PSMD12: variants seen among roughly 807,000 people sequenced by gnomAD.
PSMD12 encodes 26S proteasome non-ATPase regulatory subunit 12.
PSMD12 carries 8 observed loss-of-function variants against 62.9 expected under a neutral mutation model. The ratio of observed to expected loss-of-function variants is 0.13; its 90% confidence interval spans 0.07 to 0.23. The LOEUF is 0.23. Among genes scored for constraint, PSMD12 ranks in the 10% least tolerant of loss-of-function variants. The pLI, the probability that PSMD12 is intolerant of heterozygous loss-of-function variation, is 1.00. For missense variants in PSMD12, 424 were observed against 550.2 expected, an observed-to-expected ratio of 0.77 and a Z score of 2.29; for synonymous variants, 173 against 187.4, an observed-to-expected ratio of 0.92 and a Z score of 0.63.
In PSMD12 at chr17:67,340,974, T is replaced by C; in HGVS notation, c.1240A>G (p.Asn414Asp). The change falls in exon 11 of 11, where the codon AAC becomes GAC. Residue 414 changes from asparagine (N) to aspartate (D), a missense_variant. By Grantham distance (23) the Asn-to-Asp change is conservative. Coordinates refer to ENST00000356126, the MANE Select transcript of PSMD12 (RefSeq NM_002816.5). ...TTTGGATCCTTGGGTCTCTGGAAGT[T>C]GATAATTCCTGCTAATCTGTCTACT... Reference protein sequence around the residue: ...AKVDRLAGIINFQRPKDPNNL... With the variant: ...AKVDRLAGIIDFQRPKDPNNL... The C allele has an allele frequency of 6.3e-7, 1 of 1,577,482 alleles. No homozygotes were observed. Among genetic ancestry groups the C allele is most frequent in the Non-Finnish European group, 8.6e-7 (1 of 1,168,550 alleles).
At chr17:67,347,044 G>C in intron 7 of PSMD12, 72 bp downstream of exon 7, 1 of 1,452,332 alleles carries the variant, frequency 6.9e-7, no homozygotes, top group East Asian at 2.3e-5. Context: ...CAGTTAAAAA[G>C]ATTTGAAAAT....
Position 67,348,868 on chromosome 17 carries a change from C to T in PSMD12, c.406-214G>A, listed in dbSNP as rs540685098. On this transcript the variant is annotated intron_variant, in intron 4 of 10. Transcript: ENST00000356126. ...AACATTAGCTGAGTGTGGTGGCATG[C>T]ACCTTTAGTCCCAGCTACTTGGGAG... Among the ~76,000 whole-genome samples the T allele has an allele frequency of 3.3e-5, 5 of 152,200 alleles. No individual in the cohort carries two copies. The South Asian group carries it at 6.2e-4, about 19-fold the overall frequency.
At chr17:67,344,460 T>TA in intron 9 of PSMD12, 146 bp downstream of exon 9, 1 of 770,704 alleles carries the variant, frequency 1.3e-6, no homozygotes, top group South Asian at 2.3e-5. Flanking sequence ...AGTGAAGAAT[T>TA]AAACACATAA....
chr17:67,352,687 A>T (rs2042029343), intron 3 of PSMD12, among the ~76,000 whole-genome samples: 1 of 152,208 alleles, frequency 6.6e-6, no homozygotes, highest in Non-Finnish European at 1.5e-5. Context: ...TATTAAATGG[A>T]AAACTCCATG....
intron 9 of PSMD12, among the ~76,000 whole-genome samples, chr17:67,344,075 C>T (rs2041940865): frequency 6.6e-6 from 1 of 152,088 alleles, no homozygotes; most frequent in Admixed American, 6.6e-5. Flanking sequence ...AGAAGGCTCA[C>T]AATAAAGTTT....
intron 4 of PSMD12, among the ~76,000 whole-genome samples, chr17:67,349,536 A>C (rs1179364736): frequency 6.6e-6 from 1 of 152,254 alleles, no homozygotes; most frequent in Admixed American, 6.5e-5. Context: ...TAGGACCACA[A>C]GCTACATAAA....
intron 3 of PSMD12, among the ~76,000 whole-genome samples, chr17:67,353,817 G>C (rs1266412356): frequency 2.6e-5 from 4 of 152,158 alleles, no homozygotes; most frequent in African/African-American, 9.7e-5. Flanking sequence ...CCAGCGGTGA[G>C]AGAGACTCAA....
At chr17:67,363,078 C>G (rs1047298360) in intron 1 of PSMD12, among the ~76,000 whole-genome samples, 1 of 152,184 alleles carries the variant, frequency 6.6e-6, no homozygotes, top group Admixed American at 6.5e-5. Context: ...CAAACCAACT[C>G]TAGGATTTGT....
Position 67,357,504 on chromosome 17 carries a change from C to G in PSMD12, c.168+15G>C. ...AAATTAATGGTAACTGAGCTTTCCC[C>G]TGTAAACTACTCACAGTACGAGTCT... On this transcript the variant is annotated intron_variant, in intron 2 of 10. Coordinates refer to ENST00000356126, the MANE Select transcript of PSMD12 (RefSeq NM_002816.5). 6.2e-7 allele frequency: 1 copy of G among 1,613,338 alleles called. No homozygotes were observed. The highest frequency in any genetic ancestry group is 1.1e-5 in the South Asian group (1 of 91,052).
At chr17:67,357,928 CT>C (rs34021817) in intron 1 of PSMD12, among the ~76,000 whole-genome samples, 20 of 148,894 alleles carry the variant, frequency 1.3e-4, no homozygotes, top group Admixed American at 2.7e-4. Context: ...TTATCTTGTT[CT>C]TTTTTTTTTT....
Position 67,343,005 on chromosome 17 carries a change from C to A in PSMD12, c.1084-742G>T, listed in dbSNP as rs566825904. ...CATCACTTTACCATTATTCCAATGA[C>A]TTAAAGATAGCTTCAAATTAAATTT... On this transcript the variant is annotated intron_variant, in intron 9 of 10. Transcript: ENST00000356126. Among the ~76,000 whole-genome samples, 162 of 151,382 alleles carry A rather than the reference C, an allele frequency of 1.1e-3. 4 individuals are homozygous for A. In the South Asian group the frequency reaches 0.033, roughly 30 times the overall value.
At position 67,345,617 on chromosome 17, in the gene PSMD12, G is replaced by A. The variant is rs923556642; in HGVS notation, c.908+128C>T. ...AGATTACACCATTACACTCCAGTGT[G>A]GGCAACAATAGTAAAACTCCATCTC... On this transcript the variant is annotated intron_variant, in intron 8 of 10. Coordinates refer to ENST00000356126, the MANE Select transcript of PSMD12 (RefSeq NM_002816.5). 20 of 730,594 alleles carry A rather than the reference G, an allele frequency of 2.7e-5. No homozygotes were observed. The East Asian group carries it at 5.2e-4, about 19-fold the overall frequency. The allele number at this position is 730,594 out of a possible 1,614,324, so 45.3% of individuals were successfully genotyped here. A position where few individuals can be genotyped will look rare whatever the true frequency, so the allele number is the denominator to read the frequency against.
intron 3 of PSMD12, among the ~76,000 whole-genome samples, chr17:67,352,978 G>A (rs1214945606): frequency 6.6e-6 from 1 of 152,190 alleles, no homozygotes; most frequent in African/African-American, 2.4e-5. Flanking sequence ...ATGAAAAGGT[G>A]AAAGTTCTCA....
At chr17:67,350,205 G>T in intron 4 of PSMD12, 24 bp downstream of exon 4, 1 of 1,481,198 alleles carries the variant, frequency 6.8e-7, no homozygotes, top group South Asian at 1.2e-5. Flanking sequence ...ATATCATTTT[G>T]AGTTATGTCA....
At chr17:67,350,512 C>G (rs928978539) in intron 3 of PSMD12, among the ~76,000 whole-genome samples, 176 bp from the exon 4 acceptor site, 6 of 152,024 alleles carry the variant, frequency 3.9e-5, no homozygotes, top group African/African-American at 1.5e-4. Context: ...TACCGAGTAC[C>G]CCGTAACAAG....
chr17:67,350,459 T>A (rs1173799207), intron 3 of PSMD12, 123 bp from the exon 4 acceptor site: 21 of 575,440 alleles, frequency 3.6e-5, no homozygotes, highest in Non-Finnish European at 1.4e-5. Flanking sequence ...CACCAAAATG[T>A]CATAAAGAAC....
intron 5 of PSMD12, among the ~76,000 whole-genome samples, chr17:67,347,978 T>C (rs961266618): frequency 6.6e-6 from 1 of 152,260 alleles, no homozygotes; most frequent in African/African-American, 2.4e-5. Flanking sequence ...CTTTTATTGC[T>C]TAGTAGTATT....
chr17:67,341,365 A>G (rs1207359738), intron 10 of PSMD12, among the ~76,000 whole-genome samples: 2 of 146,478 alleles, frequency 1.4e-5, no homozygotes, highest in African/African-American at 2.5e-5. Context: ...GCTACTCAGG[A>G]GGCTGAGGCA....
chr17:67,349,198 T>C (rs1433478610), intron 4 of PSMD12, among the ~76,000 whole-genome samples: 1 of 152,166 alleles, frequency 6.6e-6, no homozygotes, highest in Non-Finnish European at 1.5e-5. Flanking sequence ...TTTGTATTTT[T>C]AGTAGAGAGG....
Sources: gnomAD v4.1 joint callset for allele counts (sites outside exome capture counted in the v4.1 genomes callset) on GRCh38, gnomAD v4.1.1 for gene constraint, MANE v1.5 for transcripts, NCBI Gene and HGNC (gene_info 2026-07-23, HGNC 2026-07-21) for gene names.